Variants in PPP2R3A observed in about 807,000 individuals in gnomAD.
The protein encoded by PPP2R3A is protein phosphatase 2 regulatory subunit B''alpha, also known as serine/threonine-protein phosphatase 2A regulatory subunit B'' subunit alpha.
Under a neutral mutation model 106.9 loss-of-function variants are expected in PPP2R3A, and 80 were observed. The ratio of observed to expected loss-of-function variants is 0.75; its 90% CI spans 0.62 to 0.90. The LOEUF (loss-of-function observed/expected upper bound fraction) is 0.90. Among genes scored for constraint, PPP2R3A ranks in the 40% least tolerant of loss-of-function variants. The pLI is 0.00. For synonymous variants in PPP2R3A, 483 were observed against 468.3 expected (o/e 1.03, Z -0.41); for missense variants, 1,386 against 1,350.4 (o/e 1.03, Z -0.41).
At chr3:136,054,045 G>T (rs979002841) in intron 5 of PPP2R3A, among the ~76,000 whole-genome samples, 2 of 151,996 alleles carry the variant, frequency 1.3e-5, no homozygotes, top group East Asian at 1.9e-4. Flanking sequence ...GAATTTTTTT[G>T]GGGGGGAAAT....
At chr3:135,983,658 C>T (rs1282331684) in intron 1 of PPP2R3A, among the ~76,000 whole-genome samples, 1 of 152,216 alleles carries the variant, frequency 6.6e-6, no homozygotes, top group Non-Finnish European at 1.5e-5. Flanking sequence ...TCTGCATCTT[C>T]TATTTGCCTC....
chr3:136,093,275 G>A (rs1489146869), intron 10 of PPP2R3A, among the ~76,000 whole-genome samples: 1 of 152,152 alleles, frequency 6.6e-6, no homozygotes, highest in African/African-American at 2.4e-5. Context: ...CAGGCACAGC[G>A]GCACGCGCCT....
At chr3:136,015,249 G>T (rs190229927) in intron 2 of PPP2R3A, among the ~76,000 whole-genome samples, 84 of 152,166 alleles carry the variant, frequency 5.5e-4, no homozygotes, top group Non-Finnish European at 4.6e-4. Context: ...GAAGATTTTT[G>T]CATCTATGTT....
At chr3:136,127,454 G>A (rs1938224566) in intron 13 of PPP2R3A, among the ~76,000 whole-genome samples, 1 of 152,036 alleles carries the variant, frequency 6.6e-6, no homozygotes, top group Non-Finnish European at 1.5e-5. Flanking sequence ...GAGAAGACAA[G>A]GTTAGAGAAA....
chr3:136,013,500 C>T (rs1164703681), intron 2 of PPP2R3A, among the ~76,000 whole-genome samples: 1 of 152,072 alleles, frequency 6.6e-6, no homozygotes, highest in Non-Finnish European at 1.5e-5. Flanking sequence ...CTTATCACCA[C>T]CATGCCAATA....
intron 13 of PPP2R3A, among the ~76,000 whole-genome samples, chr3:136,120,488 C>T (rs1276262967): frequency 1.3e-5 from 2 of 151,628 alleles, no homozygotes; most frequent in Non-Finnish European, 2.9e-5. Flanking sequence ...TTAAGGAGGC[C>T]GAGGCAGGAG....
At position 136,145,581 on chromosome 3, in the gene PPP2R3A, A is replaced by G. The variant is rs1939086750; in HGVS notation, c.*415A>G. On this transcript the variant is annotated 3_prime_UTR_variant, in exon 14 of 14. Coordinates refer to ENST00000264977, the MANE Select transcript of PPP2R3A (RefSeq NM_002718.5). ...ACTTGCAGAAAACTTGAGTCAGAAA[A>G]TTCTGGAACTTGAAAAAGTAGTAAG... is the stretch of plus-strand genomic sequence containing the variant. 1 of 153,038 alleles carries G rather than the reference A, an allele frequency of 6.5e-6. No individual in the cohort carries two copies. The highest frequency in any genetic ancestry group is 2.1e-4 in the South Asian group (1 of 4,846). 9.5% of individuals were successfully genotyped at this position (153,038 alleles called of 1,614,324 possible). A position where few individuals can be genotyped will look rare whatever the true frequency, so the allele number is the denominator to read the frequency against.
At chr3:135,971,859 A>G (rs1010752135) in intron 1 of PPP2R3A, among the ~76,000 whole-genome samples, 4 of 152,190 alleles carry the variant, frequency 2.6e-5, no homozygotes, top group East Asian at 1.9e-4. Flanking sequence ...TCCATTACCA[A>G]GGTGGTCCAG....
chr3:135,984,866 G>A (rs969233893), intron 1 of PPP2R3A, among the ~76,000 whole-genome samples: 7 of 152,094 alleles, frequency 4.6e-5, no homozygotes, highest in Admixed American at 4.6e-4. Flanking sequence ...ATGGCAGAAG[G>A]CAAGGAGGAG....
rs781580338 is a variant in PPP2R3A, at chr3:136,106,247, A to G, written c.3254A>G (p.Asp1085Gly). 1.9e-6 allele frequency: 3 copies of G among 1,610,496 alleles called. No individual in the cohort carries two copies. The highest frequency in any genetic ancestry group is 2.5e-6 in the Non-Finnish European group (3 of 1,179,252). The change falls in exon 13 of 14, where the codon GAC becomes GGC. Residue 1085 changes from aspartate (D) to glycine (G), a missense_variant. By Grantham distance (94) the Asp-to-Gly change is moderately conservative (BLOSUM62 -1). Coordinates refer to ENST00000264977, the MANE Select transcript of PPP2R3A (RefSeq NM_002718.5). ...GAGAACGATGGGCCTGAGCCCTCAG[A>G]CTGGGACCGGTTTGCCGCTGAGGAG... The part of the protein sequence containing the change: ...DVENDGPEPS[D>G]WDRFAAEEYE...
intron 5 of PPP2R3A, among the ~76,000 whole-genome samples, chr3:136,066,997 G>A (rs1053817927): frequency 6.6e-6 from 1 of 152,142 alleles, no homozygotes; most frequent in Non-Finnish European, 1.5e-5. Context: ...TATTTAATGG[G>A]AAAACACTAG....
intron 13 of PPP2R3A, among the ~76,000 whole-genome samples, chr3:136,109,270 A>G (rs780801825): frequency 9.2e-5 from 14 of 152,214 alleles, no homozygotes; most frequent in Non-Finnish European, 1.5e-4. Flanking sequence ...CAGACTAACT[A>G]TTCTAATTAA....
intron 5 of PPP2R3A, chr3:136,055,698 G>A (rs1935837723): frequency 1.2e-6 from 1 of 835,906 alleles, no homozygotes; most frequent in African/African-American, 1.7e-5. Flanking sequence ...TGCACCCTAA[G>A]ACTCTGGAGC....
At chr3:136,030,761 C>CATATTTATATATATAT (rs1934842991) in intron 3 of PPP2R3A, among the ~76,000 whole-genome samples, 1 of 100,350 alleles carries the variant, frequency 1.0e-5, no homozygotes, top group Non-Finnish European at 2.0e-5. Context: ...TATTCCATCA[C>CATATTTATATATATAT]ATATATATAT....
At chr3:135,986,563 T>TTTC in intron 1 of PPP2R3A, among the ~76,000 whole-genome samples, 1 of 152,134 alleles carries the variant, frequency 6.6e-6, no homozygotes, top group Non-Finnish European at 1.5e-5. Context: ...TTGATGACTA[T>TTTC]TTCTTCAGTC....
intron 1 of PPP2R3A, among the ~76,000 whole-genome samples, chr3:135,969,721 TTTTGTTATTG>T (rs1408641508): frequency 1.3e-5 from 2 of 152,124 alleles, no homozygotes; most frequent in Non-Finnish European, 2.9e-5. Context: ...CATACAGTGG[TTTTGTTATTG>T]TTTAATTTTG....
chr3:136,033,316 G>A (rs1336517480), intron 3 of PPP2R3A, among the ~76,000 whole-genome samples: 2 of 152,182 alleles, frequency 1.3e-5, no homozygotes, highest in African/African-American at 2.4e-5. Context: ...GTGTTCATCA[G>A]GGATATTGGT....
rs576704551 is a variant in PPP2R3A, at chr3:135,992,747, G to A, written c.-440-8312G>A. Among the ~76,000 whole-genome samples the A allele has an allele frequency of 5.9e-5, 9 of 152,220 alleles. No homozygotes were observed. The South Asian group carries it at 8.3e-4, about 14-fold the overall frequency. On this transcript the variant is annotated intron_variant, in intron 1 of 13. Coordinates refer to ENST00000264977, the MANE Select transcript of PPP2R3A (RefSeq NM_002718.5). ...AAATATACTTGGCAGTGAAGAGACC[G>A]GAGTTAAAGATAAATATTTGAGAGG...
At chr3:135,982,521 G>T (rs149205743) in intron 1 of PPP2R3A, among the ~76,000 whole-genome samples, 22 of 152,102 alleles carry the variant, frequency 1.4e-4, no homozygotes, top group Non-Finnish European at 2.2e-4. Context: ...GGACCTGTCA[G>T]CTCAGCCTCA....
Sources: allele counts gnomAD v4.1 joint callset (sites outside exome capture counted in the v4.1 genomes callset), GRCh38; gene constraint gnomAD v4.1.1; transcripts MANE v1.5; gene names NCBI Gene and HGNC (gene_info 2026-07-23, HGNC 2026-07-21).